ITPK1: variants seen among roughly 807,000 people sequenced by gnomAD.
ITPK1 encodes the protein inositol-tetrakisphosphate 1-kinase.
A neutral mutation model predicts 45.3 loss-of-function variants in ITPK1; 21 were observed. The observed-to-expected ratio is 0.46, with a 90% CI of 0.33 to 0.67. The LOEUF is 0.67. Ranked by LOEUF, ITPK1 falls within the 30% of genes least tolerant of loss-of-function variation. The pLI, the probability that ITPK1 is intolerant of heterozygous loss-of-function variation, is 0.02. For synonymous variants in ITPK1, 258 were observed against 253.6 expected, an observed-to-expected ratio of 1.02 and a Z score of -0.16; for missense variants, 474 against 573.5, an observed-to-expected ratio of 0.83 and a Z score of 1.77.
At chr14:93,092,348 C>T (rs1196156794) in intron 2 of ITPK1, among the ~76,000 whole-genome samples, 1 of 152,190 alleles carries the variant, frequency 6.6e-6, no homozygotes, top group Non-Finnish European at 1.5e-5. Flanking sequence ...GAGGTCCTTA[C>T]GGCACCACGG....
chr14:92,961,638 G>A (rs916959677), intron 7 of ITPK1, among the ~76,000 whole-genome samples: 2 of 152,166 alleles, frequency 1.3e-5, no homozygotes, highest in African/African-American at 2.4e-5. Context: ...ACAGGCCCTC[G>A]AAGAGATGAC....
chr14:92,958,229 T>C lies in ITPK1; in HGVS notation c.642A>G (p.Ser214=). 6.2e-7 allele frequency: 1 copy of C among 1,614,150 alleles called. No homozygotes were observed. The highest frequency in any genetic ancestry group is 1.1e-5 in the South Asian group (1 of 91,076). The part of the protein sequence containing the change: ...GESYTVVQRP[S]LKNFSAGTSD... ...ATGTGCCTGCGGAGAAGTTCTTGAG[T>C]GAGGGCCTCTGGACCACGGTGTAGG... is the stretch of plus-strand genomic sequence containing the variant. The change falls in exon 8 of 11, where the codon TCA becomes TCG. Residue 214 remains serine (S), a synonymous_variant. Transcript: ENST00000267615. This position sits in a 1 kb window ranked among gnomAD's most constrained non-coding sequence, Gnocchi z 4.4.
chr14:92,948,049 G>A (rs1887769918), intron 9 of ITPK1, among the ~76,000 whole-genome samples: 1 of 152,202 alleles, frequency 6.6e-6, no homozygotes, highest in African/African-American at 2.4e-5. Context: ...ACAAAGCGGA[G>A]GAACCCTGAA....
At chr14:92,964,642 G>T (rs890892855) in intron 5 of ITPK1, among the ~76,000 whole-genome samples, 1 of 152,206 alleles carries the variant, frequency 6.6e-6, no homozygotes, top group Non-Finnish European at 1.5e-5. Context: ...TCGGACGGGC[G>T]CTCACCAGCC....
intron 5 of ITPK1, among the ~76,000 whole-genome samples, chr14:92,976,838 A>C (rs1885967750): frequency 6.6e-6 from 1 of 152,258 alleles, no homozygotes; most frequent in African/African-American, 2.4e-5. Context: ...AAACCACTGC[A>C]TAATAGCCTT....
At chr14:93,109,128 C>G (rs575506723) in intron 2 of ITPK1, among the ~76,000 whole-genome samples, 1 of 152,286 alleles carries the variant, frequency 6.6e-6, no homozygotes, top group Non-Finnish European at 1.5e-5. Flanking sequence ...GCTGCCCATA[C>G]CAGCAGAAAC....
chr14:93,053,463 A>C (rs1340764443), intron 3 of ITPK1, among the ~76,000 whole-genome samples: 3 of 152,108 alleles, frequency 2.0e-5, no homozygotes, highest in Non-Finnish European at 4.4e-5. Context: ...AATTGATGCC[A>C]CCCCATCAGC....
intron 2 of ITPK1, among the ~76,000 whole-genome samples, chr14:93,084,364 T>C (rs1891568591): frequency 1.3e-5 from 2 of 152,208 alleles, no homozygotes; most frequent in Admixed American, 1.3e-4. Flanking sequence ...AGGAAAGTGC[T>C]ACTAGAATCC....
In ITPK1 at chr14:92,969,004, G is replaced by A. The variant is rs539117321; in HGVS notation, c.365-6155C>T. Among the ~76,000 whole-genome samples the A allele has an allele frequency of 1.3e-3, 202 of 152,254 alleles. 1 individual carries two copies. Among genetic ancestry groups the A allele is most frequent in the Non-Finnish European group, 2.4e-3 (166 of 68,008 alleles). Reference sequence around the variant, plus strand: ...TTTGCATCCCGAGCTGCCCCCGCTCGGGTTGCTGGGCATGACAGGCTGCTA... The same window carrying A: ...TTTGCATCCCGAGCTGCCCCCGCTCAGGTTGCTGGGCATGACAGGCTGCTA... On this transcript the variant is annotated intron_variant, in intron 5 of 10. Transcript: ENST00000267615.
rs114496241 is a variant in ITPK1 at position 92,941,210 on chromosome 14, A to T, written c.*351T>A. 10,168 of 1,278,208 alleles carry T rather than the reference A, an allele frequency of 8.0e-3. 599 individuals are homozygous for T. The African/African-American group carries it at 0.13, about 17-fold the overall frequency. The allele number at this position is 1,278,208 out of a possible 1,614,324, so 79.2% of individuals were successfully genotyped here. ...GTCCCGGTCCACAGTGGCCATGGAG[A>T]CCAACAGACAGGGATGTGCACAGAC... On this transcript the variant is annotated 3_prime_UTR_variant, in exon 11 of 11. Coordinates refer to ENST00000267615, the MANE Select transcript of ITPK1 (RefSeq NM_014216.6).
rs1156768155 is a variant in ITPK1 at position 92,941,421 on chromosome 14, T to C, written c.*140A>G. 1.5e-5 allele frequency: 22 copies of C among 1,419,896 alleles called. No individual in the cohort carries two copies. Among genetic ancestry groups the C allele is most frequent in the Admixed American group, 3.1e-5 (1 of 32,642 alleles). The allele number at this position is 1,419,896 out of a possible 1,614,324, so 88.0% of individuals were successfully genotyped here. ...ACTACCCCTCATTTAGATCATGACA[T>C]CAGAGAATCAGGTTAAAAATTAAAA... On this transcript the variant is annotated 3_prime_UTR_variant, in exon 11 of 11. Transcript: ENST00000267615.
chr14:93,085,770 C>T (rs1427695493), intron 2 of ITPK1, among the ~76,000 whole-genome samples: 3 of 152,220 alleles, frequency 2.0e-5, no homozygotes. Flanking sequence ...CCCTTAATGG[C>T]TCTCGACATC....
chr14:93,024,912 T>C (rs1888659577), intron 3 of ITPK1, among the ~76,000 whole-genome samples: 1 of 152,064 alleles, frequency 6.6e-6, no homozygotes. Context: ...CGTCCTTTCC[T>C]GATGTGCAGG....
At position 93,015,768 on chromosome 14, in the gene ITPK1, C is replaced by T. The variant is rs192839563; in HGVS notation, c.246+908G>A. ...GAACGGGGTGAGAGCCCCAAGGAAG[C>T]AAGGGGGGCCAAGGCGGCTGACCCC... On this transcript the variant is annotated intron_variant, in intron 4 of 10. Coordinates refer to ENST00000267615, the MANE Select transcript of ITPK1 (RefSeq NM_014216.6). Among the ~76,000 whole-genome samples the T allele has an allele frequency of 1.6e-4, 25 of 152,306 alleles. No homozygotes were observed. In the East Asian group the frequency reaches 4.1e-3, roughly 25 times the overall value.
chr14:92,985,295 C>T (rs561334689), intron 5 of ITPK1, among the ~76,000 whole-genome samples: 3 of 151,858 alleles, frequency 2.0e-5, no homozygotes, highest in Non-Finnish European at 4.4e-5. Flanking sequence ...TGGGGAAATT[C>T]GAATTCATTT....
intron 2 of ITPK1, among the ~76,000 whole-genome samples, chr14:93,089,739 C>A (rs1223425831): frequency 6.6e-6 from 1 of 152,170 alleles, no homozygotes; most frequent in Non-Finnish European, 1.5e-5. Flanking sequence ...AGCCAGCTCT[C>A]GGCAGGCGGG....
chr14:93,115,056 C>T lies in ITPK1; in HGVS notation c.95+13G>A, dbSNP rs946072096. Reference sequence around the variant, plus strand: ...CGGGGGTCCCCGGGCGCCGGCGCCGCGTCCCTCCTTACCTGCACAGCTCGG... The same window carrying T: ...CGGGGGTCCCCGGGCGCCGGCGCCGTGTCCCTCCTTACCTGCACAGCTCGG... On this transcript the variant is annotated intron_variant, in intron 2 of 10. Coordinates refer to ENST00000267615, the MANE Select transcript of ITPK1 (RefSeq NM_014216.6). 2 of 1,561,548 alleles carry T rather than the reference C, an allele frequency of 1.3e-6. No homozygotes were observed. The highest frequency in any genetic ancestry group is 3.8e-5 in the Admixed American group (2 of 52,354).
At chr14:92,998,071 C>T (rs920242951) in intron 4 of ITPK1, among the ~76,000 whole-genome samples, 1 of 152,222 alleles carries the variant, frequency 6.6e-6, no homozygotes, top group Non-Finnish European at 1.5e-5. Flanking sequence ...GTCCTGAGTC[C>T]AGATTCTGCC....
At chr14:92,984,731 C>T (rs1886411569) in intron 5 of ITPK1, among the ~76,000 whole-genome samples, 1 of 152,178 alleles carries the variant, frequency 6.6e-6, no homozygotes. Flanking sequence ...CCACCTGGTG[C>T]CCTGTGGATG....
Sources: allele counts gnomAD v4.1 joint callset (sites outside exome capture counted in the v4.1 genomes callset), GRCh38; gene constraint gnomAD v4.1.1; non-coding constraint Gnocchi (gnomAD v3.1); transcripts MANE v1.5; gene names NCBI Gene and HGNC (gene_info 2026-07-23, HGNC 2026-07-21).